The following PCDH15 variants were observed in gnomAD, a reference collection of about 807,000 sequenced individuals.
PCDH15 encodes the protein protocadherin-15.
PCDH15 carries 129 observed loss-of-function variants against 178.5 expected under a neutral mutation model. The ratio of observed to expected loss-of-function variants is 0.72; its 90% CI spans 0.63 to 0.84. The LOEUF (loss-of-function observed/expected upper bound fraction) is 0.84. Ranked by LOEUF, PCDH15 falls within the 40% of genes least tolerant of loss-of-function variation. The pLI is 0.00. For synonymous variants in PCDH15, 800 were observed against 732.0 expected, an observed-to-expected ratio of 1.09 and a Z score of -1.50; for missense variants, 2,230 against 2,099.9, an observed-to-expected ratio of 1.06 and a Z score of -1.21.
chr10:54,148,153 G>A (rs931553513), intron 14 of PCDH15, among the ~76,000 whole-genome samples: 13 of 151,946 alleles, frequency 8.6e-5, no homozygotes, highest in East Asian at 3.9e-4. Flanking sequence ...TATTTAAAAC[G>A]CACTCAAACC....
chr10:54,362,769 A>T (rs1352679002), intron 5 of PCDH15, among the ~76,000 whole-genome samples: 2 of 152,118 alleles, frequency 1.3e-5, no homozygotes, highest in African/African-American at 4.8e-5. Context: ...AGGGTAAAAA[A>T]ATCTCAAGTG....
intron 2 of PCDH15, among the ~76,000 whole-genome samples, chr10:55,152,685 A>AT (rs1176417123): frequency 6.6e-6 from 1 of 152,206 alleles, no homozygotes; most frequent in Non-Finnish European, 1.5e-5. Context: ...TTGAACTGTG[A>AT]TAGAGAAGAC....
At chr10:53,929,366 T>C (rs1013306746) in intron 25 of PCDH15, among the ~76,000 whole-genome samples, 3 of 152,126 alleles carry the variant, frequency 2.0e-5, no homozygotes, top group African/African-American at 7.2e-5. Context: ...CTAAAATTTC[T>C]GAAAGAAAAA....
intron 2 of PCDH15, among the ~76,000 whole-genome samples, chr10:55,067,815 T>C (rs1417367202): frequency 6.6e-6 from 1 of 152,062 alleles, no homozygotes; most frequent in Non-Finnish European, 1.5e-5. Context: ...TTATTGTGGT[T>C]TTCATTTGCA....
At chr10:54,226,429 G>C (rs759099053) in intron 9 of PCDH15, among the ~76,000 whole-genome samples, 1 of 152,152 alleles carries the variant, frequency 6.6e-6, no homozygotes, top group Non-Finnish European at 1.5e-5. Flanking sequence ...GCCAGGCATG[G>C]TGGCTCATGC....
At chr10:54,144,780 T>C (rs558407786) in intron 14 of PCDH15, among the ~76,000 whole-genome samples, 1 of 152,096 alleles carries the variant, frequency 6.6e-6, no homozygotes, top group South Asian at 2.1e-4. Flanking sequence ...TTAAGTCTCA[T>C]TTTACAAAAG....
At chr10:54,055,924 G>T (rs796548928) in intron 18 of PCDH15, among the ~76,000 whole-genome samples, 3 of 152,302 alleles carry the variant, frequency 2.0e-5, no homozygotes, top group African/African-American at 7.2e-5. Flanking sequence ...GAAAATGACA[G>T]AAACCATGTT....
chr10:54,235,095 T>C (rs11004155), intron 9 of PCDH15, among the ~76,000 whole-genome samples: 8,307 of 152,206 alleles, frequency 0.055, 562 homozygotes, highest in African/African-American at 0.17. Flanking sequence ...CTTCCTCAGC[T>C]TCTGTAAGCC....
At chr10:55,240,767 A>T (rs978120941) in intron 1 of PCDH15, among the ~76,000 whole-genome samples, 2 of 152,304 alleles carry the variant, frequency 1.3e-5, no homozygotes, top group Admixed American at 6.5e-5. Flanking sequence ...TTATTTTAAA[A>T]TAAGTATGTA....
chr10:54,722,437 C>T (rs7091219), intron 1 of PCDH15, among the ~76,000 whole-genome samples: 130,795 of 151,660 alleles, frequency 0.86, 57,072 homozygotes, highest in Non-Finnish European at 0.93. Context: ...GCAGTCAATT[C>T]TGTTTATCCA....
chr10:55,194,618 C>A (rs1307700481), intron 1 of PCDH15, among the ~76,000 whole-genome samples: 1 of 151,930 alleles, frequency 6.6e-6, no homozygotes, highest in Non-Finnish European at 1.5e-5. Context: ...TCATTTTATG[C>A]TTATTATTAT....
chr10:54,634,710 G>C (rs555992121), intron 2 of PCDH15, among the ~76,000 whole-genome samples: 1 of 151,926 alleles, frequency 6.6e-6, no homozygotes, highest in Non-Finnish European at 1.5e-5. Context: ...ATGCTTGCGC[G>C]TATACACTAT....
intron 31 of PCDH15, among the ~76,000 whole-genome samples, chr10:53,827,767 A>C (rs2076779360): frequency 6.6e-6 from 1 of 152,134 alleles, no homozygotes. Flanking sequence ...TATCTCTTGA[A>C]TAAGGGGTAG....
intron 3 of PCDH15, among the ~76,000 whole-genome samples, chr10:54,485,177 C>T (rs1022886222): frequency 2.0e-5 from 3 of 151,488 alleles, no homozygotes; most frequent in African/African-American, 7.3e-5. Flanking sequence ...AGAAGTAATC[C>T]CTGCTAATAG....
At position 55,377,022 on chromosome 10, in the gene PCDH15, G is replaced by A. The variant is rs1837407754; in HGVS notation, c.-155-210371C>T. On this transcript the variant is annotated intron_variant, in intron 2 of 5. Coordinates refer to the PCDH15 transcript ENST00000613346. ...ACACATTTTCTCAATGATAGGCAAG[G>A]AATTTGTGTTTAAATGTAATTGATG... is the stretch of plus-strand genomic sequence containing the variant. 2.0e-5 allele frequency among the ~76,000 whole-genome samples: 3 copies of A among 151,888 alleles called. No individual in the cohort carries two copies. The South Asian group carries it at 6.2e-4, about 32-fold the overall frequency.
At chr10:54,346,515 T>C (rs1458303874) in intron 5 of PCDH15, 31 bp from the exon 6 acceptor site, 1 of 1,610,468 alleles carries the variant, frequency 6.2e-7, no homozygotes, top group Admixed American at 1.7e-5. Context: ...AAATATCAAT[T>C]TTCATTTTAT....
At position 53,942,467 on chromosome 10, in the gene PCDH15, G is replaced by A. The variant is rs373044900; in HGVS notation, c.3123-1492C>T. Among the ~76,000 whole-genome samples the A allele has an allele frequency of 4.1e-4, 62 of 152,300 alleles. No individual in the cohort carries two copies. The South Asian group carries it at 0.013, about 32-fold the overall frequency. ...ATCCTTTGCTCAGTGTTCATGTGATGTATACGTCTCATGTAAATTCAATGG... is the reference window on the plus strand; with the variant it reads ...ATCCTTTGCTCAGTGTTCATGTGATATATACGTCTCATGTAAATTCAATGG... On this transcript the variant is annotated intron_variant, in intron 23 of 37. Coordinates refer to ENST00000644397, the MANE Select transcript of PCDH15 (RefSeq NM_001384140.1).
At chr10:55,475,571 A>C (rs1840046462) in intron 2 of PCDH15, among the ~76,000 whole-genome samples, 1 of 152,134 alleles carries the variant, frequency 6.6e-6, no homozygotes, top group East Asian at 1.9e-4. Flanking sequence ...CTGACCTTGT[A>C]AAATAGGTTG....
intron 2 of PCDH15, among the ~76,000 whole-genome samples, chr10:55,099,498 G>T (rs1443636222): frequency 2.0e-5 from 3 of 152,168 alleles, no homozygotes; most frequent in East Asian, 3.9e-4. Context: ...GTGAATTATT[G>T]CAGTGTAGTA....
Sources: gnomAD v4.1 joint callset for allele counts (sites outside exome capture counted in the v4.1 genomes callset) on GRCh38, gnomAD v4.1.1 for gene constraint, MANE v1.5 for transcripts, NCBI Gene and HGNC (gene_info 2026-07-23, HGNC 2026-07-21) for gene names.